Variants in SCRG1 observed in about 807,000 individuals in gnomAD.
SCRG1 encodes the protein stimulator of chondrogenesis 1, also known as scrapie-responsive protein 1.
SCRG1 carries 3 observed loss-of-function variants against 7.7 expected under a neutral mutation model. The observed-to-expected ratio is 0.39, with a 90% CI of 0.18 to 1.01. SCRG1 has a LOEUF of 1.01. SCRG1 is among the 50% of genes least tolerant of loss of function. The pLI, the probability that SCRG1 is intolerant of heterozygous loss-of-function variation, is 0.36. For synonymous variants in SCRG1, 46 were observed against 41.2 expected (o/e 1.12, Z -0.44); for missense variants, 110 against 117.2 (o/e 0.94, Z 0.28).
At chr4:173,515,594 G>GTC in the SCRG1 span, among the ~76,000 whole-genome samples, 24 of 149,188 alleles carry the variant, frequency 1.6e-4, no homozygotes, top group African/African-American at 5.7e-4. This position sits in a 1 kb window ranked among gnomAD's most constrained non-coding sequence, Gnocchi z 4.6. Context: ...GTCTGTGTGT[G>GTC]TGTGTGTGTT....
At chr4:173,400,200 A>G (rs143029592), upstream of SCRG1, among the ~76,000 whole-genome samples, 101 of 152,326 alleles carry the variant, frequency 6.6e-4, no homozygotes, top group African/African-American at 2.2e-3. Flanking sequence ...TGTAGTCCAG[A>G]AGGGAAGATA....
the SCRG1 span, among the ~76,000 whole-genome samples, chr4:173,439,144 C>G: frequency 6.6e-6 from 1 of 152,146 alleles, no homozygotes. Context: ...ATGGCAGAGT[C>G]ACAAGATGGA....
At position 173,388,221 on chromosome 4, in the gene SCRG1, G is replaced by A; in HGVS notation, c.*120C>T. 3 of 583,102 alleles carry A rather than the reference G, an allele frequency of 5.1e-6. No homozygotes were observed. The South Asian group carries it at 9.8e-5, about 19-fold the overall frequency. 36.1% of individuals were successfully genotyped at this position (583,102 alleles called of 1,614,324 possible). On this transcript the variant is annotated 3_prime_UTR_variant, in exon 3 of 3. Transcript: ENST00000296506. ...ACACAGATTTACTTGTCTTAGACAAGTAAGAATTTATAGAATCTATGCTCT... is the reference window on the plus strand; with the variant it reads ...ACACAGATTTACTTGTCTTAGACAAATAAGAATTTATAGAATCTATGCTCT...
At chr4:173,424,046 C>T in the SCRG1 span, among the ~76,000 whole-genome samples, 13 of 152,310 alleles carry the variant, frequency 8.5e-5, no homozygotes, top group South Asian at 4.1e-4. Flanking sequence ...CCTTCAGGAC[C>T]TAATTGTCTC....
At chr4:173,419,059 T>C in the SCRG1 span, among the ~76,000 whole-genome samples, 1 of 152,192 alleles carries the variant, frequency 6.6e-6, no homozygotes, top group Non-Finnish European at 1.5e-5. Context: ...CCTACTAGTG[T>C]TAGTAGTGGC....
chr4:173,401,745 T>C (rs1243353264), upstream of SCRG1, among the ~76,000 whole-genome samples: 1 of 152,220 alleles, frequency 6.6e-6, no homozygotes, highest in Admixed American at 6.5e-5. Context: ...AGTTTTCCCC[T>C]AAGAAGCACA....
At chr4:173,494,894 G>A in the SCRG1 span, among the ~76,000 whole-genome samples, 2 of 152,194 alleles carry the variant, frequency 1.3e-5, no homozygotes, top group Non-Finnish European at 2.9e-5. Context: ...ATTGGTTCTG[G>A]CTCGTTTCTA....
At chr4:173,447,661 C>T in the SCRG1 span, among the ~76,000 whole-genome samples, 6 of 152,098 alleles carry the variant, frequency 3.9e-5, no homozygotes, top group African/African-American at 9.7e-5. Context: ...AGGATCTGGC[C>T]GGGCATGGTG....
chr4:173,485,753 T>A, the SCRG1 span, among the ~76,000 whole-genome samples: 1 of 152,084 alleles, frequency 6.6e-6, no homozygotes. Flanking sequence ...GCAGATCACT[T>A]GAGGTCGTGA....
At chr4:173,411,128 G>A (rs1424212422), upstream of SCRG1, among the ~76,000 whole-genome samples, 1 of 152,180 alleles carries the variant, frequency 6.6e-6, no homozygotes, top group Non-Finnish European at 1.5e-5. Context: ...GGCTACATGA[G>A]AGTAGAGATT....
At chr4:173,445,595 A>G in the SCRG1 span, among the ~76,000 whole-genome samples, 1 of 138,504 alleles carries the variant, frequency 7.2e-6, no homozygotes, top group East Asian at 2.1e-4. Flanking sequence ...AAAAAAAAAG[A>G]AAAGAAAATA....
chr4:173,406,945 C>A (rs759481930), upstream of SCRG1, among the ~76,000 whole-genome samples: 1 of 152,166 alleles, frequency 6.6e-6, no homozygotes, highest in Non-Finnish European at 1.5e-5. Context: ...TGGTGGCTCA[C>A]GCCTGTAATC....
At chr4:173,458,746 C>G in the SCRG1 span, among the ~76,000 whole-genome samples, 1 of 152,086 alleles carries the variant, frequency 6.6e-6, no homozygotes, top group African/African-American at 2.4e-5. Context: ...AGGAGTAACT[C>G]ATTACCTATC....
At chr4:173,477,830 A>G in the SCRG1 span, among the ~76,000 whole-genome samples, 2 of 150,618 alleles carry the variant, frequency 1.3e-5, no homozygotes, top group African/African-American at 4.9e-5. Flanking sequence ...GAGCAGTGGC[A>G]TAATCATAGC....
chr4:173,497,819 C>T, the SCRG1 span, among the ~76,000 whole-genome samples: 4 of 151,786 alleles, frequency 2.6e-5, no homozygotes, highest in Non-Finnish European at 4.4e-5. Context: ...TACAGGCACC[C>T]ACCACCACGC....
the SCRG1 span, among the ~76,000 whole-genome samples, chr4:173,480,526 G>A: frequency 6.6e-6 from 1 of 152,074 alleles, no homozygotes; most frequent in South Asian, 2.1e-4. Flanking sequence ...CATATACTGA[G>A]TTGATCATTA....
chr4:173,408,732 G>A (rs561888350), upstream of SCRG1, among the ~76,000 whole-genome samples: 4 of 152,160 alleles, frequency 2.6e-5, no homozygotes, highest in East Asian at 7.7e-4. Flanking sequence ...CGTGGCTCAC[G>A]CTTGTAATCC....
chr4:173,483,783 C>A, the SCRG1 span, among the ~76,000 whole-genome samples: 11 of 19,208 alleles, frequency 5.7e-4, 3 homozygotes, highest in African/African-American at 1.4e-3. Flanking sequence ...TATGATATAT[C>A]ATATATCATA....
chr4:173,433,161 T>A, the SCRG1 span, among the ~76,000 whole-genome samples: 1 of 152,252 alleles, frequency 6.6e-6, no homozygotes, highest in East Asian at 1.9e-4. Flanking sequence ...TAGTAACTTT[T>A]TTTTACAGCA....
Sources: gnomAD v4.1 joint callset for allele counts (sites outside exome capture counted in the v4.1 genomes callset) on GRCh38, gnomAD v4.1.1 for gene constraint, Gnocchi (gnomAD v3.1) non-coding constraint, MANE v1.5 for transcripts, NCBI Gene and HGNC (gene_info 2026-07-23, HGNC 2026-07-21) for gene names.